RNF150: variants seen among roughly 807,000 people sequenced by gnomAD.
The protein encoded by RNF150 is ring finger protein 150.
Under a neutral mutation model 39.3 loss-of-function variants are expected in RNF150, and 24 were observed. The ratio of observed to expected loss-of-function variants is 0.61; its 90% CI spans 0.44 to 0.86. The LOEUF is 0.86. RNF150 is among the 40% of genes least tolerant of loss of function. The pLI is 0.00. For missense variants in RNF150, 502 were observed against 587.8 expected (o/e 0.85, Z 1.51); for synonymous variants, 255 against 227.3 (o/e 1.12, Z -1.10).
intron 5 of RNF150, among the ~76,000 whole-genome samples, chr4:140,917,992 A>G (rs574055602): frequency 2.0e-5 from 3 of 152,022 alleles, no homozygotes; most frequent in East Asian, 1.9e-4. Flanking sequence ...TTTGAAACCA[A>G]CGAGAACAAA....
chr4:141,098,137 C>A (rs1363055811), intron 1 of RNF150, among the ~76,000 whole-genome samples: 1 of 152,246 alleles, frequency 6.6e-6, no homozygotes, highest in African/African-American at 2.4e-5. Flanking sequence ...CCTTTGATCA[C>A]ATTTTCTCCC....
At chr4:141,068,610 C>A (rs1737556999) in intron 1 of RNF150, among the ~76,000 whole-genome samples, 1 of 151,588 alleles carries the variant, frequency 6.6e-6, no homozygotes, top group Non-Finnish European at 1.5e-5. Flanking sequence ...TCATTGGTAG[C>A]TTGATGGGGA....
intron 1 of RNF150, among the ~76,000 whole-genome samples, chr4:141,187,973 A>G (rs1212076230): frequency 6.6e-6 from 1 of 152,150 alleles, no homozygotes; most frequent in African/African-American, 2.4e-5. Context: ...ATGTTTTTCC[A>G]GTGGCTGGTA....
At position 140,908,402 on chromosome 4, in the gene RNF150, A is replaced by G. The variant is rs1208177546; in HGVS notation, c.1198+2742T>C. On this transcript the variant is annotated intron_variant, in intron 6 of 6. Transcript: ENST00000515673. Reference sequence around the variant, plus strand: ...AACCAGAAATATATGGTTTAGGAAAAATATTTCGTGAGAAAATTTAGTTTC... The same window carrying G: ...AACCAGAAATATATGGTTTAGGAAAGATATTTCGTGAGAAAATTTAGTTTC... 3.3e-5 allele frequency among the ~76,000 whole-genome samples: 5 copies of G among 152,288 alleles called. No homozygotes were observed. In the East Asian group the frequency reaches 9.6e-4, roughly 29 times the overall value.
intron 1 of RNF150, among the ~76,000 whole-genome samples, chr4:141,028,027 T>G (rs925574593): frequency 7.1e-6 from 1 of 140,234 alleles, no homozygotes; most frequent in Non-Finnish European, 1.5e-5. Context: ...ATATAGCAGA[T>G]GATGGACTTC....
chr4:141,033,901 C>G (rs1008273416), intron 1 of RNF150, among the ~76,000 whole-genome samples: 1 of 152,156 alleles, frequency 6.6e-6, no homozygotes, highest in Admixed American at 6.6e-5. Context: ...ATGAATAAAT[C>G]ACATGCAGAA....
intron 1 of RNF150, among the ~76,000 whole-genome samples, chr4:141,139,787 A>AG (rs1727086688): frequency 6.6e-6 from 1 of 152,188 alleles, no homozygotes; most frequent in African/African-American, 2.4e-5. Flanking sequence ...AACTTGCCCG[A>AG]GGCCATGCAG....
chr4:140,965,567 T>C (rs1049944789), intron 2 of RNF150, among the ~76,000 whole-genome samples: 1 of 152,146 alleles, frequency 6.6e-6, no homozygotes, highest in Non-Finnish European at 1.5e-5. Context: ...GGATTATTAT[T>C]GTTTATTCTC....
At chr4:140,972,029 CAA>C (rs35881946) in intron 1 of RNF150, among the ~76,000 whole-genome samples, 53 of 145,044 alleles carry the variant, frequency 3.7e-4, no homozygotes, top group Middle Eastern at 3.6e-3. Context: ...ACTTAGGTGA[CAA>C]AAAAAAAAAT....
chr4:140,865,157 T>A lies in RNF150; in HGVS notation c.*3104A>T, dbSNP rs554843101. The stretch of plus-strand genomic sequence containing the variant: ...AAAAGACACAATGGATTTAGAAGAC[T>A]TAGTACACAAAAGCATGTAAAACAT... On this transcript the variant is annotated 3_prime_UTR_variant, in exon 7 of 7. Coordinates refer to ENST00000515673, the MANE Select transcript of RNF150 (RefSeq NM_020724.2). 10 of 152,296 alleles carry A rather than the reference T, an allele frequency of 6.6e-5. No individual in the cohort carries two copies. In the East Asian group the frequency reaches 1.9e-3, roughly 29 times the overall value. 9.4% of individuals were successfully genotyped at this position (152,296 alleles called of 1,614,324 possible). A position where few individuals can be genotyped will look rare whatever the true frequency, so the allele number is the denominator to read the frequency against.
chr4:141,132,967 C>T lies in RNF150; in HGVS notation c.-159G>A. ...CGGGACGCGCAGCCGCCGCGGGGACCGGATTCCGGGCGAGCGGATGGCGCT... is the reference window on the plus strand; with the variant it reads ...CGGGACGCGCAGCCGCCGCGGGGACTGGATTCCGGGCGAGCGGATGGCGCT... On this transcript the variant is annotated 5_prime_UTR_variant, in exon 1 of 7. Transcript: ENST00000515673. The surrounding 1 kb of genome is among the most constrained non-coding windows in gnomAD (Gnocchi z 4.9). 3.4e-6 allele frequency: 2 copies of T among 587,220 alleles called. No homozygotes were observed. Among genetic ancestry groups the T allele is most frequent in the Non-Finnish European group, 5.8e-6 (2 of 347,308 alleles). 36.4% of individuals were successfully genotyped at this position (587,220 alleles called of 1,614,324 possible).
chr4:141,146,371 T>C lies in RNF150; in HGVS notation c.-6+66423A>G, dbSNP rs529526752. ...AAGAATATTCACAAGAGAATTATTG[T>C]TTGCTGAATTTAAGAAACATTCACT... On this transcript the variant is annotated intron_variant, in intron 1 of 7. Coordinates refer to the RNF150 transcript ENST00000420921. Among the ~76,000 whole-genome samples the C allele has an allele frequency of 2.0e-5, 3 of 152,330 alleles. No homozygotes were observed. The South Asian group carries it at 6.2e-4, about 32-fold the overall frequency.
chr4:141,201,657 G>A (rs971608334), intron 1 of RNF150, among the ~76,000 whole-genome samples: 12 of 152,002 alleles, frequency 7.9e-5, no homozygotes, highest in Admixed American at 7.2e-4. Context: ...AAGCCTCAAG[G>A]ACCTCTTAAA....
At chr4:141,051,192 C>T (rs1350822735) in intron 1 of RNF150, among the ~76,000 whole-genome samples, 1 of 152,086 alleles carries the variant, frequency 6.6e-6, no homozygotes, top group Non-Finnish European at 1.5e-5. Flanking sequence ...CCAAGTCCCT[C>T]CTAGACTGCA....
At chr4:141,033,061 A>G (rs988118631) in intron 1 of RNF150, among the ~76,000 whole-genome samples, 5 of 152,290 alleles carry the variant, frequency 3.3e-5, no homozygotes, top group East Asian at 3.9e-4. Flanking sequence ...TGCTGCATCA[A>G]TTGATTCTTC....
At chr4:141,180,340 T>C (rs1369646192) in intron 1 of RNF150, among the ~76,000 whole-genome samples, 1 of 152,146 alleles carries the variant, frequency 6.6e-6, no homozygotes, top group African/African-American at 2.4e-5. Context: ...ATAAGGAATA[T>C]CCCTCAAAGG....
At chr4:141,092,587 C>A (rs1170256488) in intron 1 of RNF150, among the ~76,000 whole-genome samples, 1 of 151,858 alleles carries the variant, frequency 6.6e-6, no homozygotes, top group African/African-American at 2.4e-5. Context: ...TCTTATAATA[C>A]ATCCTGAGGT....
rs2111470912 is a variant in RNF150, at chr4:140,987,630, A to C, written c.485-19757T>G. The stretch of plus-strand genomic sequence containing the variant: ...AAAATTAACTCAAGATAGATTAAAG[A>C]TTTAAACATAAGATCTGAAACTATA... On this transcript the variant is annotated intron_variant, in intron 1 of 6. Coordinates refer to ENST00000515673, the MANE Select transcript of RNF150 (RefSeq NM_020724.2). 3.3e-5 allele frequency among the ~76,000 whole-genome samples: 5 copies of C among 152,276 alleles called. 1 individual carries two copies. The East Asian group carries it at 9.6e-4, about 29-fold the overall frequency.
chr4:141,112,787 G>A (rs1189035147), intron 1 of RNF150, among the ~76,000 whole-genome samples: 2 of 152,134 alleles, frequency 1.3e-5, no homozygotes, highest in Admixed American at 6.5e-5. Flanking sequence ...CTAGGTTGGG[G>A]AAGTTCTCCT....
Sources: gnomAD v4.1 joint callset for allele counts (sites outside exome capture counted in the v4.1 genomes callset) on GRCh38, gnomAD v4.1.1 for gene constraint, Gnocchi (gnomAD v3.1) non-coding constraint, MANE v1.5 for transcripts, NCBI Gene and HGNC (gene_info 2026-07-23, HGNC 2026-07-21) for gene names.